The following KNTC1 variants were observed in gnomAD, a reference collection of about 807,000 sequenced individuals.
KNTC1 encodes kinetochore-associated protein 1.
A neutral mutation model predicts 314.4 loss-of-function variants in KNTC1; 253 were observed. The observed-to-expected ratio is 0.80, with a 90% CI of 0.73 to 0.89. The LOEUF (loss-of-function observed/expected upper bound fraction) is 0.89. Among genes scored for constraint, KNTC1 ranks in the 40% least tolerant of loss-of-function variants. The probability of loss-of-function intolerance (pLI) is 0.00; values close to 1 mark genes in which losing one functional copy is unlikely to be tolerated. For missense variants in KNTC1, 2,475 were observed against 2,572.9 expected, an observed-to-expected ratio of 0.96 and a Z score of 0.82; for synonymous variants, 901 against 901.4, an observed-to-expected ratio of 1.00 and a Z score of 0.01.
At chr12:122,538,277 T>G in intron 3 of KNTC1, 62 bp from the exon 4 acceptor site, 1 of 968,488 alleles carries the variant, frequency 1.0e-6, no homozygotes, top group Non-Finnish European at 1.6e-6. Context: ...AATTTGTATT[T>G]TTTTTGTATT....
In KNTC1 at chr12:122,609,436, CT is replaced by C; in HGVS notation, c.5543+10del. 1.3e-6 allele frequency: 2 copies of C among 1,543,208 alleles called. No homozygotes were observed. The highest frequency in any genetic ancestry group is 8.9e-7 in the Non-Finnish European group (1 of 1,129,928). On this transcript the variant is annotated splice_region_variant and intron_variant, in intron 52 of 63. Coordinates refer to ENST00000333479, the MANE Select transcript of KNTC1 (RefSeq NM_014708.6). ...GAAGATGAAGCCCTACGAAGGTACT[CT>C]TTTCCTTTACTTATATTCACCTATA...
chr12:122,549,817 T>C lies in KNTC1; in HGVS notation c.1039T>C (p.Leu347=). Residue 347 remains leucine, a synonymous_variant, in exon 13 of 64, where the codon TTG becomes CTG. Transcript: ENST00000333479. ...ACCTACAATGGAAATACTATATTCT[T>C]TGGAAGTATCTAGTGTTTCTTCTCT... ...SLPTMEILYS[L]EVSSVSSLVQ... The C allele has an allele frequency of 6.4e-7, 1 of 1,573,404 alleles. No homozygotes were observed. The highest frequency in any genetic ancestry group is 2.3e-5 in the East Asian group (1 of 44,372).
Position 122,544,287 on chromosome 12 carries a change from GTT to G in KNTC1, c.669+21_669+22del. The stretch of plus-strand genomic sequence containing the variant: ...TAATTGGGGTAATTGTTTTTATAAA[GTT>G]TTGTTTTTTGTTGCCTAAAGCATTT... On this transcript the variant is annotated intron_variant, in intron 8 of 63. Transcript: ENST00000333479. The G allele has an allele frequency of 7.2e-7, 1 of 1,382,762 alleles. No individual in the cohort carries two copies. The highest frequency in any genetic ancestry group is 1.8e-4 in the Middle Eastern group (1 of 5,600). The allele number at this position is 1,382,762 out of a possible 1,614,324, so 85.7% of individuals were successfully genotyped here. A position where few individuals can be genotyped will look rare whatever the true frequency, so the allele number is the denominator to read the frequency against.
At chr12:122,615,794 A>G (rs1025853846) in intron 57 of KNTC1, among the ~76,000 whole-genome samples, 2 of 152,204 alleles carry the variant, frequency 1.3e-5, no homozygotes, top group African/African-American at 4.8e-5. Flanking sequence ...TCCTTTCCCT[A>G]AAATAAAGAA....
At chr12:122,528,594 C>G (rs574808512) in intron 1 of KNTC1, among the ~76,000 whole-genome samples, 1 of 152,170 alleles carries the variant, frequency 6.6e-6, no homozygotes, top group African/African-American at 2.4e-5. Context: ...GTGGGTACAA[C>G]TAAATTAGTC....
intron 24 of KNTC1, among the ~76,000 whole-genome samples, chr12:122,571,957 C>T (rs895264984): frequency 3.9e-5 from 6 of 152,020 alleles, no homozygotes; most frequent in Non-Finnish European, 7.4e-5. Context: ...CAGGCATGAG[C>T]CACTGCTCCT....
intron 37 of KNTC1, 83 bp downstream of exon 37, chr12:122,585,857 A>T (rs574610098): frequency 1.5e-6 from 2 of 1,346,386 alleles, no homozygotes; most frequent in East Asian, 4.6e-5. Flanking sequence ...CTAGAACTAC[A>T]CACAGTAATG....
At chr12:122,615,637 C>G in intron 57 of KNTC1, 111 bp downstream of exon 57, 1 of 1,067,706 alleles carries the variant, frequency 9.4e-7, no homozygotes, top group Non-Finnish European at 1.3e-6. Context: ...AATAACAGAA[C>G]TGAGCCAAGT....
intron 18 of KNTC1, among the ~76,000 whole-genome samples, chr12:122,558,923 C>G (rs1198815296): frequency 2.0e-5 from 3 of 152,206 alleles, no homozygotes; most frequent in African/African-American, 7.2e-5. Flanking sequence ...TCCCCATTTG[C>G]CCCAGTCCCC....
rs755149490 is a variant in KNTC1 at position 122,591,321 on chromosome 12, T to C, written c.4129-16T>C. 1.4e-5 allele frequency: 19 copies of C among 1,327,082 alleles called. No individual in the cohort carries two copies. Among genetic ancestry groups the C allele is most frequent in the Non-Finnish European group, 2.1e-5 (19 of 918,290 alleles). 82.2% of individuals were successfully genotyped at this position (1,327,082 alleles called of 1,614,324 possible). A position where few individuals can be genotyped will look rare whatever the true frequency, so the allele number is the denominator to read the frequency against. The stretch of plus-strand genomic sequence containing the variant: ...TCTACTTACGATTGAACTTTAATTC[T>C]CTTTTAATTTTTTAGGCAATATCTC... On this transcript the variant is annotated splice_polypyrimidine_tract_variant and intron_variant, in intron 41 of 63. Transcript: ENST00000333479.
At chr12:122,574,461 CAT>C (rs1964893599) in intron 27 of KNTC1, 81 bp downstream of exon 27, 1 of 841,914 alleles carries the variant, frequency 1.2e-6, no homozygotes, top group Non-Finnish European at 1.9e-6. Flanking sequence ...ATAAAAGCGA[CAT>C]ATATTTGTTT....
At chr12:122,614,533 G>A (rs1873554390) in intron 55 of KNTC1, among the ~76,000 whole-genome samples, 1 of 152,150 alleles carries the variant, frequency 6.6e-6, no homozygotes, top group African/African-American at 2.4e-5. Flanking sequence ...AATCTTTTTT[G>A]TCATGTCTTT....
In KNTC1 at chr12:122,603,802, T is replaced by G. The variant is rs147186944; in HGVS notation, c.5101+559T>G. Among the ~76,000 whole-genome samples the G allele has an allele frequency of 2.8e-3, 428 of 152,280 alleles. 3 individuals carry two copies. Among genetic ancestry groups the G allele is most frequent in the African/African-American group, 9.9e-3 (410 of 41,562 alleles). On this transcript the variant is annotated intron_variant, in intron 48 of 63. Coordinates refer to ENST00000333479, the MANE Select transcript of KNTC1 (RefSeq NM_014708.6). ...CACTGCACCTGGCCCAATCGCACTT[T>G]CAATGAGGAATCTTTAGATAGTCTC... is the stretch of plus-strand genomic sequence containing the variant.
Position 122,582,945 on chromosome 12 carries a change from TTA to T in KNTC1, c.3224_3225del (p.Leu1075Ter). 1 of 1,612,944 alleles carries T rather than the reference TTA, an allele frequency of 6.2e-7. No individual in the cohort carries two copies. Among genetic ancestry groups the T allele is most frequent in the Non-Finnish European group, 8.5e-7 (1 of 1,179,466 alleles). On this transcript the variant is annotated frameshift_variant, in exon 34 of 64. Transcript: ENST00000333479. LOFTEE classifies it high-confidence loss of function. Reference sequence around the variant, plus strand: ...GGAGGCAGAGCTGACCTTGAGAGCCTTAAAAGATGGGAACATCAAAACAGCAC... The same window carrying T: ...GGAGGCAGAGCTGACCTTGAGAGCCTAAAGATGGGAACATCAAAACAGCAC... ...ELEAELTLRA[L>X]KDGNIKTALK...
Position 122,588,698 on chromosome 12 carries a change from T to C in KNTC1, c.3895-14T>C. 5 of 1,485,866 alleles carry C rather than the reference T, an allele frequency of 3.4e-6. No homozygotes were observed. The highest frequency in any genetic ancestry group is 4.5e-6 in the Non-Finnish European group (5 of 1,115,570). The allele number at this position is 1,485,866 out of a possible 1,614,324, so 92.0% of individuals were successfully genotyped here. ...AGAACTAGACCTAAATATTTTTTTC[T>C]TCTTTTCTAAAAGTTATTTGGAGAG... is the stretch of plus-strand genomic sequence containing the variant. On this transcript the variant is annotated splice_polypyrimidine_tract_variant and intron_variant, in intron 39 of 63. Transcript: ENST00000333479.
chr12:122,544,311 A>G (rs1395136684), intron 8 of KNTC1, 42 bp downstream of exon 8: 3 of 944,848 alleles, frequency 3.2e-6, no homozygotes, highest in Non-Finnish European at 4.9e-6. Flanking sequence ...TGCCTAAAGC[A>G]TTTTCTCAGA....
chr12:122,592,333 G>A (rs927730295), intron 42 of KNTC1, among the ~76,000 whole-genome samples: 4 of 152,194 alleles, frequency 2.6e-5, no homozygotes, highest in Non-Finnish European at 4.4e-5. Flanking sequence ...TGTGCAGCCC[G>A]AGCCTCCCCG....
At chr12:122,535,509 G>A (rs1227882138) in intron 3 of KNTC1, among the ~76,000 whole-genome samples, 1 of 152,148 alleles carries the variant, frequency 6.6e-6, no homozygotes, top group African/African-American at 2.4e-5. Context: ...TGGCCGTGCT[G>A]GTGTGCGCCT....
At chr12:122,617,871 G>T (rs909390467) in intron 57 of KNTC1, among the ~76,000 whole-genome samples, 2 of 152,150 alleles carry the variant, frequency 1.3e-5, no homozygotes, top group East Asian at 1.9e-4. Context: ...TAATTTTTTT[G>T]TTGAGATACA....
Sources: allele counts gnomAD v4.1 joint callset (sites outside exome capture counted in the v4.1 genomes callset), GRCh38; gene constraint gnomAD v4.1.1; transcripts MANE v1.5; gene names NCBI Gene and HGNC (gene_info 2026-07-23, HGNC 2026-07-21).